The following HS3ST5 variants were observed in gnomAD, a reference collection of about 807,000 sequenced individuals.
The protein encoded by HS3ST5 is heparan sulfate-glucosamine 3-sulfotransferase 5.
HS3ST5 carries 10 observed loss-of-function variants against 25.4 expected under a neutral mutation model. That is an observed-to-expected ratio of 0.39 (90% CI 0.24 to 0.67). HS3ST5 has a LOEUF of 0.67. Ranked by LOEUF, HS3ST5 falls within the 30% of genes least tolerant of loss-of-function variation. The pLI is 0.44. For missense variants in HS3ST5, 324 were observed against 420.7 expected, an observed-to-expected ratio of 0.77 and a Z score of 2.01; for synonymous variants, 170 against 162.4, an observed-to-expected ratio of 1.05 and a Z score of -0.36.
At chr6:114,141,576 T>G (rs768602377) in intron 3 of HS3ST5, among the ~76,000 whole-genome samples, 1 of 152,218 alleles carries the variant, frequency 6.6e-6, no homozygotes, top group Non-Finnish European at 1.5e-5. Flanking sequence ...TTTCCCTGGT[T>G]GTTCTTTTTA....
intron 3 of HS3ST5, among the ~76,000 whole-genome samples, chr6:114,133,389 A>G (rs949516952): frequency 6.6e-6 from 1 of 152,206 alleles, no homozygotes; most frequent in Non-Finnish European, 1.5e-5. Context: ...TGGCTGCAGT[A>G]GATAGTCCTT....
intron 2 of HS3ST5, among the ~76,000 whole-genome samples, chr6:114,224,945 A>C (rs894641826): frequency 2.0e-5 from 3 of 151,650 alleles, no homozygotes; most frequent in Non-Finnish European, 4.4e-5. Context: ...AAGGGCTCTA[A>C]TAGTTGCTAA....
At chr6:114,131,583 G>A (rs1582634651) in intron 3 of HS3ST5, among the ~76,000 whole-genome samples, 2 of 152,070 alleles carry the variant, frequency 1.3e-5, no homozygotes, top group African/African-American at 4.8e-5. Flanking sequence ...GTTGGAGAAG[G>A]GGGACAATTT....
intron 3 of HS3ST5, chr6:114,084,427 G>T: frequency 1.3e-6 from 1 of 755,964 alleles, no homozygotes; most frequent in Non-Finnish European, 2.4e-6. Flanking sequence ...TTCTTTTTCA[G>T]TCTCTTCAGG....
chr6:114,294,497 GTGCTGTGGCGTGATCTCCGCT>G lies in HS3ST5; in HGVS notation c.-339+47677_-339+47697del, dbSNP rs1415560395. On this transcript the variant is annotated intron_variant, in intron 1 of 4. Coordinates refer to ENST00000312719, the MANE Select transcript of HS3ST5 (RefSeq NM_153612.4). ...GTCTCACTCTGTCGCCCAGGCTGGA[GTGCTGTGGCGTGATCTCCGCT>G]CACTGCAAGCTCCGCCTCCCGGGTT... 1.3e-4 allele frequency among the ~76,000 whole-genome samples: 19 copies of G among 147,484 alleles called. 1 individual carries two copies. The Admixed American group carries it at 1.3e-3, about 10-fold the overall frequency.
At chr6:114,213,726 T>C (rs373038985) in intron 2 of HS3ST5, among the ~76,000 whole-genome samples, 1 of 152,134 alleles carries the variant, frequency 6.6e-6, no homozygotes, top group South Asian at 2.1e-4. Context: ...TGCAGGGATA[T>C]CTTGCTGCAT....
At chr6:114,157,089 C>T (rs1054082091) in intron 3 of HS3ST5, among the ~76,000 whole-genome samples, 3 of 152,076 alleles carry the variant, frequency 2.0e-5, no homozygotes, top group Non-Finnish European at 4.4e-5. Flanking sequence ...CCACCCCTCA[C>T]CTTCTCTTCC....
At chr6:114,253,960 T>A (rs1348297187) in intron 1 of HS3ST5, among the ~76,000 whole-genome samples, 2 of 151,766 alleles carry the variant, frequency 1.3e-5, no homozygotes, top group Non-Finnish European at 2.9e-5. Flanking sequence ...TTGTGTGCAA[T>A]GGGTAACAGG....
At chr6:114,296,748 G>C (rs1223110937) in intron 1 of HS3ST5, among the ~76,000 whole-genome samples, 1 of 152,148 alleles carries the variant, frequency 6.6e-6, no homozygotes, top group Non-Finnish European at 1.5e-5. Context: ...GGTAGAAAGA[G>C]TCAAAACAAA....
At chr6:114,145,735 AG>A (rs1778129909) in intron 3 of HS3ST5, among the ~76,000 whole-genome samples, 1 of 152,190 alleles carries the variant, frequency 6.6e-6, no homozygotes, top group Non-Finnish European at 1.5e-5. Context: ...AGTGGGAGGC[AG>A]GGCTCGTGTG....
At chr6:114,306,596 C>T (rs1479576577) in intron 1 of HS3ST5, among the ~76,000 whole-genome samples, 1 of 151,880 alleles carries the variant, frequency 6.6e-6, no homozygotes, top group Non-Finnish European at 1.5e-5. Context: ...CAATTCTAGA[C>T]TAAAAACATT....
chr6:114,300,587 A>G (rs1315179359), intron 1 of HS3ST5, among the ~76,000 whole-genome samples: 5 of 152,180 alleles, frequency 3.3e-5, no homozygotes, highest in Non-Finnish European at 5.9e-5. Flanking sequence ...TTTGGAAAAC[A>G]ATTTGTGAAT....
At chr6:114,329,632 A>G (rs1230217226) in intron 1 of HS3ST5, among the ~76,000 whole-genome samples, 1 of 152,180 alleles carries the variant, frequency 6.6e-6, no homozygotes, top group Non-Finnish European at 1.5e-5. Context: ...GGATCAACAA[A>G]AACAAAGTAA....
chr6:114,293,218 G>C (rs1339018768), intron 1 of HS3ST5, among the ~76,000 whole-genome samples: 2 of 152,124 alleles, frequency 1.3e-5, no homozygotes, highest in African/African-American at 4.8e-5. Flanking sequence ...AGGAGTTTCA[G>C]GCAGAAGCAG....
chr6:114,178,741 A>G (rs1039392495), intron 2 of HS3ST5: 3 of 152,214 alleles, frequency 2.0e-5, no homozygotes, highest in Admixed American at 6.5e-5. Context: ...GTTTAGGCTA[A>G]GGAAGCTGGC....
chr6:114,257,984 C>T (rs1342029003), intron 1 of HS3ST5, among the ~76,000 whole-genome samples: 2 of 152,160 alleles, frequency 1.3e-5, no homozygotes, highest in Non-Finnish European at 2.9e-5. Flanking sequence ...GTCTCAAACT[C>T]TTGACCCCAA....
intron 3 of HS3ST5, among the ~76,000 whole-genome samples, chr6:114,158,393 A>G (rs920086055): frequency 6.6e-6 from 1 of 152,234 alleles, no homozygotes; most frequent in African/African-American, 2.4e-5. Flanking sequence ...TTAAAATTGA[A>G]AAAACATCTA....
chr6:114,254,676 G>A (rs141863739), intron 1 of HS3ST5, among the ~76,000 whole-genome samples: 2,207 of 152,270 alleles, frequency 0.014, 33 homozygotes, highest in South Asian at 0.065. Flanking sequence ...TCACAATCAC[G>A]GTGGAAGGTA....
chr6:114,131,978 A>G (rs937779209), intron 3 of HS3ST5: 5 of 152,242 alleles, frequency 3.3e-5, no homozygotes, highest in Admixed American at 1.3e-4. Context: ...TAATTTTTCA[A>G]TATTTTACCT....
Sources: gnomAD v4.1 joint callset for allele counts (sites outside exome capture counted in the v4.1 genomes callset) on GRCh38, gnomAD v4.1.1 for gene constraint, MANE v1.5 for transcripts, NCBI Gene and HGNC (gene_info 2026-07-23, HGNC 2026-07-21) for gene names.